The following GNPAT variants were observed in gnomAD, a reference collection of about 807,000 sequenced individuals.
The protein encoded by GNPAT is glyceronephosphate O-acyltransferase, also known as dihydroxyacetone phosphate acyltransferase.
GNPAT carries 30 observed loss-of-function variants against 78.4 expected under a neutral mutation model. The observed-to-expected ratio is 0.38, with a 90% CI of 0.29 to 0.52. The LOEUF (loss-of-function observed/expected upper bound fraction) is 0.52. GNPAT is among the 20% of genes least tolerant of loss of function. The pLI is 0.84. For missense variants in GNPAT, 714 were observed against 812.2 expected, an observed-to-expected ratio of 0.88 and a Z score of 1.47; for synonymous variants, 271 against 281.1, an observed-to-expected ratio of 0.96 and a Z score of 0.36.
chr1:231,252,637 C>G (rs566047887), intron 2 of GNPAT, among the ~76,000 whole-genome samples: 157 of 152,142 alleles, frequency 1.0e-3, no homozygotes, highest in African/African-American at 3.6e-3. Flanking sequence ...GCTCCATGCC[C>G]TCATTTTTTT....
At chr1:231,267,640 A>G (rs1202380084) in intron 8 of GNPAT, 40 bp from the exon 9 acceptor site, 1 of 1,125,844 alleles carries the variant, frequency 8.9e-7, no homozygotes, top group African/African-American at 1.5e-5. Context: ...TTGTCTAAGT[A>G]ACAGAACTGT....
chr1:231,277,736 G>T lies in GNPAT; in HGVS notation c.*194G>T. ...TCTTCCCCACCACAGTGGTTAAAAG[G>T]CGTTTGTATCTGACACTATGTGTGT... On this transcript the variant is annotated 3_prime_UTR_variant, in exon 16 of 16. Coordinates refer to ENST00000366647, the MANE Select transcript of GNPAT (RefSeq NM_014236.4). The T allele has an allele frequency of 1.7e-6, 1 of 586,334 alleles. No individual in the cohort carries two copies. 36.3% of individuals were successfully genotyped at this position (586,334 alleles called of 1,614,324 possible). A position where few individuals can be genotyped will look rare whatever the true frequency, so the allele number is the denominator to read the frequency against.
chr1:231,276,786 CT>C (rs1233136044), intron 15 of GNPAT, among the ~76,000 whole-genome samples: 1 of 152,200 alleles, frequency 6.6e-6, no homozygotes, highest in Non-Finnish European at 1.5e-5. Flanking sequence ...GTCAAGAACA[CT>C]TTTCCTAGCA....
chr1:231,274,065 A>G lies in GNPAT; in HGVS notation c.1743+3A>G. The G allele has an allele frequency of 6.2e-7, 1 of 1,612,890 alleles. No homozygotes were observed. Among genetic ancestry groups the G allele is most frequent in the Non-Finnish European group, 8.5e-7 (1 of 1,179,030 alleles). ...AACCTTTTGTGGAAAGCTATCAGGT[A>G]TGTAAATTTGGCAAGTTCTCCTTCA... On this transcript the variant is annotated splice_donor_region_variant and intron_variant, in intron 12 of 15. Coordinates refer to ENST00000366647, the MANE Select transcript of GNPAT (RefSeq NM_014236.4).
In GNPAT at chr1:231,266,008, T is replaced by G; in HGVS notation, c.773-6T>G. 1.2e-6 allele frequency: 2 copies of G among 1,611,322 alleles called. No homozygotes were observed. Among genetic ancestry groups the G allele is most frequent in the Non-Finnish European group, 1.7e-6 (2 of 1,178,506 alleles). On this transcript the variant is annotated splice_region_variant and splice_polypyrimidine_tract_variant and intron_variant, in intron 6 of 15. Coordinates refer to ENST00000366647, the MANE Select transcript of GNPAT (RefSeq NM_014236.4). Reference sequence around the variant, plus strand: ...TTGATGAAGCATTTCTCCCTGTGTTTTGCAGGTCTTCTGAATATTGTGATG... The same window carrying G: ...TTGATGAAGCATTTCTCCCTGTGTTGTGCAGGTCTTCTGAATATTGTGATG...
chr1:231,267,590 G>A, intron 8 of GNPAT, 90 bp from the exon 9 acceptor site: 2 of 820,180 alleles, frequency 2.4e-6, no homozygotes, highest in Non-Finnish European at 4.3e-6. Flanking sequence ...CAAAGTATGA[G>A]AAGCCTTCTA....
chr1:231,255,977 A>T (rs2102807697), intron 2 of GNPAT, among the ~76,000 whole-genome samples: 1 of 151,900 alleles, frequency 6.6e-6, no homozygotes, highest in East Asian at 1.9e-4. Flanking sequence ...ATCATTCCTC[A>T]TTTGCTTTTA....
At chr1:231,249,660 G>GA (rs1305366387) in intron 1 of GNPAT, among the ~76,000 whole-genome samples, 1 of 152,202 alleles carries the variant, frequency 6.6e-6, no homozygotes, top group Non-Finnish European at 1.5e-5. Context: ...GGGAAAATAT[G>GA]AATGATTCCA....
intron 9 of GNPAT, among the ~76,000 whole-genome samples, chr1:231,268,117 G>A (rs1294725070): frequency 4.0e-5 from 6 of 151,878 alleles, no homozygotes; most frequent in African/African-American, 7.3e-5. Context: ...CCTGGCTAAC[G>A]CGGTGAAACC....
rs932155294 is a variant in GNPAT, at chr1:231,275,551, C to T, written c.1937+53C>T. 4 of 986,158 alleles carry T rather than the reference C, an allele frequency of 4.1e-6. No individual in the cohort carries two copies. The African/African-American group carries it at 4.8e-5, about 12-fold the overall frequency. 61.1% of individuals were successfully genotyped at this position (986,158 alleles called of 1,614,324 possible). A position where few individuals can be genotyped will look rare whatever the true frequency, so the allele number is the denominator to read the frequency against. On this transcript the variant is annotated intron_variant, in intron 14 of 15. Transcript: ENST00000366647. ...GCTCAAGGAACAAGGAAATGAATGA[C>T]ATTTGAGCTCAAAATCCAGAGAGAC... is the stretch of plus-strand genomic sequence containing the variant.
At chr1:231,260,457 T>C (rs1471298892) in intron 2 of GNPAT, 50 bp from the exon 3 acceptor site, 2 of 1,318,748 alleles carry the variant, frequency 1.5e-6, no homozygotes, top group African/African-American at 2.9e-5. Flanking sequence ...GCTTTCTGAC[T>C]TTTCTGTTAT....
intron 2 of GNPAT, among the ~76,000 whole-genome samples, chr1:231,259,464 A>G (rs1312452752): frequency 6.6e-6 from 1 of 152,082 alleles, no homozygotes; most frequent in African/African-American, 2.4e-5. Flanking sequence ...CCTGACCAAC[A>G]TGGAGAAACC....
intron 13 of GNPAT, 41 bp from the exon 14 acceptor site, chr1:231,275,364 T>C: frequency 6.5e-7 from 1 of 1,548,460 alleles, no homozygotes; most frequent in Non-Finnish European, 8.9e-7. Flanking sequence ...TAGTTGAGAA[T>C]AGAAACTGGT....
intron 3 of GNPAT, 129 bp downstream of exon 3, chr1:231,260,812 A>G: frequency 1.5e-6 from 1 of 683,136 alleles, no homozygotes; most frequent in Non-Finnish European, 2.5e-6. Flanking sequence ...TGGTCAATCA[A>G]AAGCCTAGGG....
At chr1:231,241,811 G>A (rs933786252) in intron 1 of GNPAT, among the ~76,000 whole-genome samples, 7 of 152,214 alleles carry the variant, frequency 4.6e-5, no homozygotes, top group Admixed American at 1.3e-4. Flanking sequence ...CTACCTTTTG[G>A]GCAAACCTGA....
intron 8 of GNPAT, among the ~76,000 whole-genome samples, 187 bp from the exon 9 acceptor site, chr1:231,267,492 AG>A (rs1443918477): frequency 1.3e-5 from 2 of 152,174 alleles, no homozygotes; most frequent in Non-Finnish European, 2.9e-5. Flanking sequence ...ATCTCTCAAG[AG>A]GATATTCCAG....
chr1:231,265,835 G>A (rs1307184362), intron 6 of GNPAT, 48 bp downstream of exon 6: 2 of 1,198,422 alleles, frequency 1.7e-6, no homozygotes, highest in Non-Finnish European at 2.5e-6. Context: ...AAAGACATCA[G>A]CTGCTACATA....
At chr1:231,250,249 A>C (rs1301730857) in intron 1 of GNPAT, among the ~76,000 whole-genome samples, 1 of 152,012 alleles carries the variant, frequency 6.6e-6, no homozygotes, top group Non-Finnish European at 1.5e-5. Context: ...CACCATGCCC[A>C]GCCAAGACTG....
intron 2 of GNPAT, among the ~76,000 whole-genome samples, chr1:231,259,452 A>C (rs1685159591): frequency 6.6e-6 from 1 of 152,062 alleles, no homozygotes; most frequent in Admixed American, 6.5e-5. Context: ...GTTCAAGACC[A>C]GCCTGACCAA....
Sources: gnomAD v4.1 joint callset for allele counts (sites outside exome capture counted in the v4.1 genomes callset) on GRCh38, gnomAD v4.1.1 for gene constraint, MANE v1.5 for transcripts, NCBI Gene and HGNC (gene_info 2026-07-23, HGNC 2026-07-21) for gene names.